GRHL2: variants seen among roughly 807,000 people sequenced by gnomAD.
GRHL2 encodes grainyhead like transcription factor 2.
GRHL2 carries 21 observed loss-of-function variants against 83.8 expected under a neutral mutation model. The observed-to-expected ratio is 0.25, with a 90% CI of 0.18 to 0.36. The LOEUF is 0.36. GRHL2 is among the 10% of genes least tolerant of loss of function. The pLI is 1.00. For synonymous variants in GRHL2, 280 were observed against 278.9 expected (o/e 1.00, Z -0.04); for missense variants, 623 against 781.8 (o/e 0.80, Z 2.42).
chr8:101,619,966 C>CA (rs1812932087), intron 9 of GRHL2, among the ~76,000 whole-genome samples: 2 of 148,518 alleles, frequency 1.3e-5, no homozygotes, highest in South Asian at 4.2e-4. Flanking sequence ...GCTGCTATAA[C>CA]AAAAAACCAT....
intron 9 of GRHL2, among the ~76,000 whole-genome samples, chr8:101,624,887 C>T (rs1014071173): frequency 6.6e-6 from 1 of 152,088 alleles, no homozygotes; most frequent in Non-Finnish European, 1.5e-5. Context: ...TGATTTCAAA[C>T]TCATTCTCCT....
intron 7 of GRHL2, among the ~76,000 whole-genome samples, chr8:101,592,164 G>A (rs1812300743): frequency 7.2e-6 from 1 of 139,194 alleles, no homozygotes; most frequent in South Asian, 2.3e-4. Flanking sequence ...GAGTGCAATG[G>A]CACAATCTCG....
intron 1 of GRHL2, among the ~76,000 whole-genome samples, chr8:101,514,916 T>C (rs1349847872): frequency 6.6e-6 from 1 of 151,526 alleles, no homozygotes; most frequent in Non-Finnish European, 1.5e-5. Flanking sequence ...TCTTCCTCCT[T>C]GTTCTTTCTT....
At chr8:101,600,654 G>GC (rs1473466050) in intron 8 of GRHL2, among the ~76,000 whole-genome samples, 1 of 152,172 alleles carries the variant, frequency 6.6e-6, no homozygotes, top group East Asian at 1.9e-4. Flanking sequence ...ACCTCTCTGG[G>GC]CCTCGGTTCT....
chr8:101,678,584 C>T, the GRHL2 span, among the ~76,000 whole-genome samples: 4 of 151,850 alleles, frequency 2.6e-5, no homozygotes, highest in Non-Finnish European at 5.9e-5. Context: ...CCCACCACAG[C>T]TCAAGGAGGC....
chr8:101,676,665 G>C, the GRHL2 span, among the ~76,000 whole-genome samples: 2 of 152,076 alleles, frequency 1.3e-5, no homozygotes, highest in African/African-American at 4.8e-5. Flanking sequence ...ATTCCTCAGG[G>C]ATCTAGAACT....
At chr8:101,515,245 AC>A (rs1810550443) in intron 1 of GRHL2, among the ~76,000 whole-genome samples, 1 of 149,688 alleles carries the variant, frequency 6.7e-6, no homozygotes, top group Admixed American at 6.7e-5. Context: ...TGTGGCCATC[AC>A]TTTTCCTACT....
At chr8:101,646,232 A>G (rs1181260933) in intron 13 of GRHL2, among the ~76,000 whole-genome samples, 1 of 152,206 alleles carries the variant, frequency 6.6e-6, no homozygotes, top group Non-Finnish European at 1.5e-5. Flanking sequence ...TTTGAACCTC[A>G]TTCTTGGATG....
intron 5 of GRHL2, among the ~76,000 whole-genome samples, chr8:101,571,539 C>T (rs946366596): frequency 2.0e-5 from 3 of 151,246 alleles, no homozygotes; most frequent in Non-Finnish European, 2.9e-5. Context: ...GAATTTATCT[C>T]CCCCATTTAC....
intron 1 of GRHL2, chr8:101,529,283 A>G (rs1173922389): frequency 9.6e-6 from 2 of 207,992 alleles, no homozygotes; most frequent in African/African-American, 4.8e-5. Flanking sequence ...AAATGCAAAA[A>G]TTAGCCTGGC....
rs751418244 is a variant in GRHL2, at chr8:101,577,522, A to G, written c.1003+3A>G. On this transcript the variant is annotated splice_donor_region_variant and intron_variant, in intron 7 of 15. Coordinates refer to ENST00000646743, the MANE Select transcript of GRHL2 (RefSeq NM_024915.4). ...GAAGCAGAGGGTCCTTGACATTGGT[A>G]AGTTGACCTTGACTTCCCTGTATAG... 5.0e-6 allele frequency: 8 copies of G among 1,596,808 alleles called. No homozygotes were observed. Among genetic ancestry groups the G allele is most frequent in the Non-Finnish European group, 6.9e-6 (8 of 1,164,562 alleles).
chr8:101,553,846 T>C (rs964518470), intron 3 of GRHL2, among the ~76,000 whole-genome samples: 2 of 152,070 alleles, frequency 1.3e-5, no homozygotes, highest in Non-Finnish European at 2.9e-5. Flanking sequence ...CAGGATGGGC[T>C]CTATCTCCTG....
At chr8:101,542,759 T>C in intron 1 of GRHL2, 1 of 456,624 alleles carries the variant, frequency 2.2e-6, no homozygotes, top group Non-Finnish European at 4.4e-6. Context: ...GACCAAGGAC[T>C]TCTTGCTGCA....
At chr8:101,525,079 A>C (rs1217686963) in intron 1 of GRHL2, among the ~76,000 whole-genome samples, 1 of 151,962 alleles carries the variant, frequency 6.6e-6, no homozygotes, top group Non-Finnish European at 1.5e-5. Flanking sequence ...CGTAGCTGGG[A>C]TTACAGGCAC....
At chr8:101,628,327 C>T (rs908822895) in intron 9 of GRHL2, among the ~76,000 whole-genome samples, 3 of 151,904 alleles carry the variant, frequency 2.0e-5, no homozygotes, top group African/African-American at 7.3e-5. Context: ...TCTGCTTGTG[C>T]TCTGTAAACA....
In GRHL2 at chr8:101,626,065, TA is replaced by T. The variant is rs1005378155; in HGVS notation, c.1258-5567del. Among the ~76,000 whole-genome samples the T allele has an allele frequency of 8.5e-5, 13 of 152,184 alleles. No individual in the cohort carries two copies. The South Asian group carries it at 2.5e-3, about 29-fold the overall frequency. ...CAGGTAAAACTAATTCCTGGGAGATTAAAAAGAGATATTAAAGTTTAATTTT... is the reference window on the plus strand; with the variant it reads ...CAGGTAAAACTAATTCCTGGGAGATTAAAAGAGATATTAAAGTTTAATTTT... On this transcript the variant is annotated intron_variant, in intron 9 of 15. Transcript: ENST00000646743.
At chr8:101,575,870 T>C (rs1443350836) in intron 6 of GRHL2, among the ~76,000 whole-genome samples, 1 of 152,154 alleles carries the variant, frequency 6.6e-6, no homozygotes, top group Non-Finnish European at 1.5e-5. Flanking sequence ...AGAGAATGGT[T>C]TTCTTTGTTG....
intron 1 of GRHL2, among the ~76,000 whole-genome samples, chr8:101,503,972 T>C (rs1317825700): frequency 6.6e-6 from 1 of 152,236 alleles, no homozygotes; most frequent in African/African-American, 2.4e-5. Flanking sequence ...ACTGCTTTTG[T>C]AATTAAGGAT....
At chr8:101,532,960 C>A (rs1317898378) in intron 1 of GRHL2, among the ~76,000 whole-genome samples, 2 of 152,022 alleles carry the variant, frequency 1.3e-5, no homozygotes, top group African/African-American at 4.8e-5. Flanking sequence ...GTAGAAATTT[C>A]TTTTTGCCCC....
Sources: allele counts gnomAD v4.1 joint callset (sites outside exome capture counted in the v4.1 genomes callset), GRCh38; gene constraint gnomAD v4.1.1; transcripts MANE v1.5; gene names NCBI Gene and HGNC (gene_info 2026-07-23, HGNC 2026-07-21).